Variants in EHMT2 observed in about 807,000 individuals in gnomAD.
EHMT2 encodes euchromatic histone lysine methyltransferase 2.
In EHMT2, 59 loss-of-function variants were observed where a neutral mutation model predicts 143.3. That is an observed-to-expected ratio of 0.41 (90% CI 0.33 to 0.51). The LOEUF (loss-of-function observed/expected upper bound fraction) is 0.51, where lower values mean the gene tolerates loss of function less well. Ranked by LOEUF, EHMT2 falls within the 20% of genes least tolerant of loss-of-function variation. The pLI is 0.18. For missense variants in EHMT2, 1,174 were observed against 1,645.9 expected (o/e 0.71, Z 4.96); for synonymous variants, 604 against 651.5 (o/e 0.93, Z 1.11).
intron 1 of EHMT2, chr6:31,897,208 G>A (rs1464525442): frequency 4.8e-6 from 6 of 1,253,004 alleles, no homozygotes; most frequent in African/African-American, 1.6e-5. Flanking sequence ...CGCATCTCTG[G>A]GGCCGAGAGA....
chr6:31,880,360 A>T lies in EHMT2; in HGVS notation c.3453-96T>A, dbSNP rs1368665050. ...GATCCTGCTCCCTGAGAGGGACCCG[A>T]CACCCAACCTATCTTCTCCAGATGG... On this transcript the variant is annotated intron_variant, in intron 27 of 27. Transcript: ENST00000375537. This position sits in a 1 kb window ranked among gnomAD's most constrained non-coding sequence, Gnocchi z 6.6. 1 of 1,374,072 alleles carries T rather than the reference A, an allele frequency of 7.3e-7. No individual in the cohort carries two copies. The highest frequency in any genetic ancestry group is 1.4e-5 in the African/African-American group (1 of 69,384). The allele number at this position is 1,374,072 out of a possible 1,614,324, so 85.1% of individuals were successfully genotyped here.
chr6:31,884,313 G>A lies in EHMT2; in HGVS notation c.2771+79C>T. 6.7e-7 allele frequency: 1 copy of A among 1,499,834 alleles called. No individual in the cohort carries two copies. The highest frequency in any genetic ancestry group is 1.2e-5 in the South Asian group (1 of 80,316). The allele number at this position is 1,499,834 out of a possible 1,614,324, so 92.9% of individuals were successfully genotyped here. ...GCATGGGGAGGGGTTGGGGAATGTTGTGAGGATGCAATGGAGCCTGGGGAG... is the reference window on the plus strand; with the variant it reads ...GCATGGGGAGGGGTTGGGGAATGTTATGAGGATGCAATGGAGCCTGGGGAG... On this transcript the variant is annotated intron_variant, in intron 21 of 27. Coordinates refer to ENST00000375537, the Ensembl canonical transcript of EHMT2. The surrounding 1 kb of genome is among the most constrained non-coding windows in gnomAD (Gnocchi z 7.3).
rs1381571029 is a variant in EHMT2, at chr6:31,888,655, G to T, written c.1309C>A (p.Arg437Ser). 1 of 1,613,590 alleles carries T rather than the reference G, an allele frequency of 6.2e-7. No individual in the cohort carries two copies. The highest frequency in any genetic ancestry group is 8.5e-7 in the Non-Finnish European group (1 of 1,180,020). The change falls in exon 11 of 28, where the codon CGC (arginine) becomes AGC (serine). Residue 437 changes from arginine (R) to serine (S), a missense_variant. Coordinates refer to ENST00000375537, the Ensembl canonical transcript of EHMT2. The surrounding 1 kb of genome is among the most constrained non-coding windows in gnomAD (Gnocchi z 7.4). ...TTGTGCCCCGCCCTCTCGCTGATGC[G>T]GTCAATCTTGGGTGCCTCCATGCGG...
chr6:31,889,136 GGTGGACATGCGAGAGC>G lies in EHMT2; in HGVS notation c.1114+76_1115-67del. The G allele has an allele frequency of 6.5e-7, 1 of 1,535,712 alleles. No homozygotes were observed. The highest frequency in any genetic ancestry group is 1.4e-5 in the African/African-American group (1 of 73,532). On this transcript the variant is annotated intron_variant, in intron 9 of 27. Transcript: ENST00000375537. The surrounding 1 kb of genome is among the most constrained non-coding windows in gnomAD (Gnocchi z 5.1). Reference sequence around the variant, plus strand: ...GTGCCTGGACGCGTGGGTACATGCAGGTGGACATGCGAGAGCGTGTGTGTGCGTGCACACACTCTGG... The same window carrying G: ...GTGCCTGGACGCGTGGGTACATGCAGGTGTGTGTGCGTGCACACACTCTGG...
rs1467250293 is a variant in EHMT2, at chr6:31,896,309, T to C, written c.536A>G (p.Lys179Arg). Residue 179 changes from lysine (K) to arginine (R), a missense_variant, in exon 4 of 28, where the codon AAG becomes AGG. Lys to Arg is a conservative substitution (Grantham distance 26). Coordinates refer to ENST00000375537, the Ensembl canonical transcript of EHMT2. ...CATGGTTTTGCGGGCTCGGTGGACC[T>C]TGGGCTGTCCCTCTGGGCTCGTGGT... 1 of 1,613,024 alleles carries C rather than the reference T, an allele frequency of 6.2e-7. No homozygotes were observed. Among genetic ancestry groups the C allele is most frequent in the Non-Finnish European group, 8.5e-7 (1 of 1,180,018 alleles).
intron 14 of EHMT2, 35 bp downstream of exon 14, chr6:31,887,744 C>T (rs1261683300): frequency 6.2e-7 from 1 of 1,601,940 alleles, no homozygotes; most frequent in African/African-American, 1.3e-5. Flanking sequence ...CTGGCCTCAG[C>T]CCCAGTTGCT....
rs1764457167 is a variant in EHMT2, at chr6:31,883,957, A to G, written c.2772-7T>C. ...ATAGCCCCGAGCCACGTCCCTGCAGAAGACGGGAAGAAGGGGCTGGGAAGC... is the reference window on the plus strand; with the variant it reads ...ATAGCCCCGAGCCACGTCCCTGCAGGAGACGGGAAGAAGGGGCTGGGAAGC... On this transcript the variant is annotated splice_region_variant and splice_polypyrimidine_tract_variant and intron_variant, in intron 21 of 27. Transcript: ENST00000375537. This position sits in a 1 kb window ranked among gnomAD's most constrained non-coding sequence, Gnocchi z 5.6. The G allele has an allele frequency of 6.2e-7, 1 of 1,612,850 alleles. No individual in the cohort carries two copies. Among genetic ancestry groups the G allele is most frequent in the African/African-American group, 1.3e-5 (1 of 74,896 alleles).
rs764100818 is a variant in EHMT2, at chr6:31,892,744, G to A, written c.668-10C>T. 1.5e-5 allele frequency: 25 copies of A among 1,612,962 alleles called. No homozygotes were observed. Among genetic ancestry groups the A allele is most frequent in the Non-Finnish European group, 1.9e-5 (23 of 1,179,986 alleles). On this transcript the variant is annotated splice_polypyrimidine_tract_variant and intron_variant, in intron 5 of 27. Coordinates refer to ENST00000375537, the Ensembl canonical transcript of EHMT2. ...CTCCTTTTGGCCAGATCTGGAAGAA[G>A]AGAGAGAATGGTGTGGGGCCTATCA...
At chr6:31,897,431 C>T (rs1453406583) in intron 1 of EHMT2, among the ~76,000 whole-genome samples, 12 of 150,686 alleles carry the variant, frequency 8.0e-5, no homozygotes, top group Non-Finnish European at 1.5e-4. Context: ...GGGCAGCCGG[C>T]GGCTGCACGC....
At chr6:31,897,535 G>T in intron 1 of EHMT2, 101 bp downstream of exon 1, 1 of 972,068 alleles carries the variant, frequency 1.0e-6, no homozygotes, top group Non-Finnish European at 1.3e-6. Context: ...TCCCGCCCGG[G>T]CCCCCCGGCC....
intron 7 of EHMT2, among the ~76,000 whole-genome samples, chr6:31,890,640 C>T (rs1271731215): frequency 6.7e-6 from 1 of 150,316 alleles, no homozygotes; most frequent in Non-Finnish European, 1.5e-5. Flanking sequence ...CCGAGGTGGG[C>T]AGATCACGAG....
chr6:31,884,501 A>G lies in EHMT2; in HGVS notation c.2662T>C (p.Trp888Arg). 1.9e-6 allele frequency: 3 copies of G among 1,613,002 alleles called. No homozygotes were observed. Among genetic ancestry groups the G allele is most frequent in the Non-Finnish European group, 2.5e-6 (3 of 1,180,016 alleles). ...TCGGAGCGCTCGGGAGTCAGGTCCCATGCTGTGTCCCCCTCTTTGTTCCGC... is the reference window on the plus strand; with the variant it reads ...TCGGAGCGCTCGGGAGTCAGGTCCCGTGCTGTGTCCCCCTCTTTGTTCCGC... The change falls in exon 21 of 28, where the codon TGG becomes CGG. Residue 888 changes from tryptophan (W) to arginine (R), a missense_variant. Around this residue, in one of 6 missense-constraint regions of EHMT2, gnomAD observed 608 missense variants for 903.7 expected, o/e 0.67. Transcript: ENST00000375537. This position sits in a 1 kb window ranked among gnomAD's most constrained non-coding sequence, Gnocchi z 7.3.
rs1040238849 is a variant in EHMT2 at position 31,889,871 on chromosome 6, A to T, written c.865-269T>A. 6.6e-6 allele frequency among the ~76,000 whole-genome samples: 1 copy of T among 152,208 alleles called. No individual in the cohort carries two copies. Among genetic ancestry groups the T allele is most frequent in the Non-Finnish European group, 1.5e-5 (1 of 68,034 alleles). On this transcript the variant is annotated intron_variant, in intron 7 of 27. Transcript: ENST00000375537. The surrounding 1 kb of genome is among the most constrained non-coding windows in gnomAD (Gnocchi z 5.1). ...AAAAAGCAAGTACCAGAAGATAAAC[A>T]TACTTTGATACCCCTTTTATGATGT... is the stretch of plus-strand genomic sequence containing the variant.
chr6:31,882,637 G>C (rs1359096517), intron 25 of EHMT2, 62 bp downstream of exon 25: 1 of 1,490,166 alleles, frequency 6.7e-7, no homozygotes, highest in African/African-American at 1.4e-5. Context: ...GGGAGGCCTG[G>C]CAGTCAGCAG....
Position 31,889,142 on chromosome 6 carries a change from C to T in EHMT2, c.1115-72G>A. 1 of 1,538,750 alleles carries T rather than the reference C, an allele frequency of 6.5e-7. No individual in the cohort carries two copies. The highest frequency in any genetic ancestry group is 8.8e-7 in the Non-Finnish European group (1 of 1,130,654). On this transcript the variant is annotated intron_variant, in intron 9 of 27. Transcript: ENST00000375537. This position sits in a 1 kb window ranked among gnomAD's most constrained non-coding sequence, Gnocchi z 5.1. ...GGACGCGTGGGTACATGCAGGTGGACATGCGAGAGCGTGTGTGTGCGTGCA... is the reference window on the plus strand; with the variant it reads ...GGACGCGTGGGTACATGCAGGTGGATATGCGAGAGCGTGTGTGTGCGTGCA...
In EHMT2 at chr6:31,880,826, T is replaced by C; in HGVS notation, c.3299A>G (p.Asp1100Gly). Residue 1100 changes from aspartate to glycine, a missense_variant, in exon 27 of 28, where the codon GAT (aspartate) becomes GGT (glycine). This residue lies in a region of EHMT2 where 44 missense variants were observed against 113.5 expected (regional missense o/e 0.39). Transcript: ENST00000375537. This position sits in a 1 kb window ranked among gnomAD's most constrained non-coding sequence, Gnocchi z 6.6. ...GCTGATGTTGCCATAGTAACGGGCA[T>C]CTATGCAGTACACCTCTCCATCCTG... is the stretch of plus-strand genomic sequence containing the variant. 1 of 1,613,772 alleles carries C rather than the reference T, an allele frequency of 6.2e-7. No individual in the cohort carries two copies. The highest frequency in any genetic ancestry group is 8.5e-7 in the Non-Finnish European group (1 of 1,179,980).
intron 18 of EHMT2, chr6:31,885,351 G>A (rs10081127): frequency 0.058 from 11,488 of 197,954 alleles, 610 homozygotes; most frequent in African/African-American, 0.15. Context: ...GGTGGCAGGC[G>A]CCTGTAGTCC....
chr6:31,880,317 C>A lies in EHMT2; in HGVS notation c.3453-53G>T. 1 of 1,582,896 alleles carries A rather than the reference C, an allele frequency of 6.3e-7. No homozygotes were observed. Among genetic ancestry groups the A allele is most frequent in the Non-Finnish European group, 8.6e-7 (1 of 1,159,546 alleles). ...GACCTGGACCCAGCCACCAAGAGCCCACCCCGAAGACCCTGTGGATCCTGC... is the reference window on the plus strand; with the variant it reads ...GACCTGGACCCAGCCACCAAGAGCCAACCCCGAAGACCCTGTGGATCCTGC... On this transcript the variant is annotated intron_variant, in intron 27 of 27. Coordinates refer to ENST00000375537, the Ensembl canonical transcript of EHMT2. This position sits in a 1 kb window ranked among gnomAD's most constrained non-coding sequence, Gnocchi z 6.6.
chr6:31,892,742 AAGAG>A lies in EHMT2; in HGVS notation c.668-12_668-9del, dbSNP rs766708829. ...TCCTCCTTTTGGCCAGATCTGGAAG[AAGAG>A]AGAGAATGGTGTGGGGCCTATCACC... On this transcript the variant is annotated splice_polypyrimidine_tract_variant and intron_variant, in intron 5 of 27. Transcript: ENST00000375537. The A allele has an allele frequency of 1.4e-5, 22 of 1,613,086 alleles. No homozygotes were observed. Among genetic ancestry groups the A allele is most frequent in the Non-Finnish European group, 1.8e-5 (21 of 1,180,022 alleles).
Sources: allele counts gnomAD v4.1 joint callset (sites outside exome capture counted in the v4.1 genomes callset), GRCh38; gene constraint gnomAD v4.1.1; regional missense constraint gnomAD v4.1.1; non-coding constraint Gnocchi (gnomAD v3.1); transcripts MANE v1.5; gene names NCBI Gene and HGNC (gene_info 2026-07-23, HGNC 2026-07-21).